WASF3: variants seen among roughly 807,000 people sequenced by gnomAD.
WASF3 encodes the protein actin-binding protein WASF3.
In WASF3, 11 loss-of-function variants were observed where a neutral mutation model predicts 46.6. The observed-to-expected ratio is 0.24, with a 90% confidence interval of 0.15 to 0.39. The LOEUF (loss-of-function observed/expected upper bound fraction) is 0.39, where lower values mean the gene tolerates loss of function less well. Ranked by LOEUF, WASF3 falls within the 10% of genes least tolerant of loss-of-function variation. The pLI is 1.00. For synonymous variants in WASF3, 242 were observed against 259.7 expected (o/e 0.93, Z 0.65); for missense variants, 576 against 669.8 (o/e 0.86, Z 1.55).
chr13:26,595,144 T>C (rs1056838977), intron 1 of WASF3, among the ~76,000 whole-genome samples: 1 of 152,242 alleles, frequency 6.6e-6, no homozygotes, highest in Non-Finnish European at 1.5e-5. Flanking sequence ...ATTTAACAAA[T>C]GTTAGTTGAA....
chr13:26,640,987 G>T, intron 2 of WASF3: 1 of 152,348 alleles, frequency 6.6e-6, no homozygotes, highest in Non-Finnish European at 1.5e-5. Flanking sequence ...TAAAAGCCAG[G>T]CTGCCTGTGT....
the WASF3 span, among the ~76,000 whole-genome samples, chr13:26,542,767 C>T: frequency 9.2e-5 from 14 of 152,358 alleles, no homozygotes; most frequent in African/African-American, 3.4e-4. Flanking sequence ...CACTCTGCGT[C>T]ACCTCCTGTC....
At chr13:26,577,810 G>T (rs889884681) in intron 1 of WASF3, 8 of 608,352 alleles carry the variant, frequency 1.3e-5, no homozygotes, top group East Asian at 2.7e-5. Context: ...GCACTCAGTT[G>T]TGTGTTCTGT....
At chr13:26,557,171 T>C (rs559231049), upstream of WASF3, among the ~76,000 whole-genome samples, 10 of 152,124 alleles carry the variant, frequency 6.6e-5, no homozygotes, top group Non-Finnish European at 1.3e-4. Context: ...TTGAAGGAGA[T>C]GGGAAGATTT....
intron 3 of WASF3, among the ~76,000 whole-genome samples, chr13:26,646,837 T>G (rs1204389808): frequency 6.6e-6 from 1 of 152,198 alleles, no homozygotes; most frequent in Non-Finnish European, 1.5e-5. Flanking sequence ...TTCTTTGGTC[T>G]TTTCTAAATA....
intron 3 of WASF3, among the ~76,000 whole-genome samples, chr13:26,657,815 T>C (rs561973778): frequency 1.3e-5 from 2 of 152,392 alleles, no homozygotes; most frequent in African/African-American, 2.4e-5. Flanking sequence ...ATTGTAATTA[T>C]AACACTATTC....
intron 3 of WASF3, among the ~76,000 whole-genome samples, chr13:26,644,518 G>A (rs1167176606): frequency 3.3e-5 from 5 of 152,130 alleles, no homozygotes; most frequent in Non-Finnish European, 5.9e-5. Flanking sequence ...GAGTCACTTG[G>A]TGAGCTTTAA....
intron 2 of WASF3, among the ~76,000 whole-genome samples, chr13:26,636,055 A>C (rs1163689841): frequency 6.6e-6 from 1 of 152,246 alleles, no homozygotes; most frequent in Non-Finnish European, 1.5e-5. Context: ...GCTGTTAGAC[A>C]GGGACTTTTA....
intron 2 of WASF3, among the ~76,000 whole-genome samples, chr13:26,631,268 T>C (rs143890875): frequency 0.011 from 1,674 of 152,340 alleles, 22 homozygotes; most frequent in Non-Finnish European, 0.015. Flanking sequence ...CTGAATGGTA[T>C]TGCCTAGGTT....
chr13:26,598,840 A>G (rs1197739012), intron 1 of WASF3, among the ~76,000 whole-genome samples: 2 of 152,178 alleles, frequency 1.3e-5, no homozygotes, highest in Admixed American at 1.3e-4. Context: ...CTCAGAAGGT[A>G]TCTCTTTGCC....
intron 1 of WASF3, among the ~76,000 whole-genome samples, chr13:26,573,112 G>C (rs995175241): frequency 6.6e-6 from 1 of 152,064 alleles, no homozygotes; most frequent in Admixed American, 6.5e-5. Context: ...TGGGTTTTTT[G>C]GGGGAGGGTA....
At chr13:26,645,924 G>A (rs991351304) in intron 3 of WASF3, among the ~76,000 whole-genome samples, 1 of 152,086 alleles carries the variant, frequency 6.6e-6, no homozygotes, top group Non-Finnish European at 1.5e-5. Context: ...CTGAAAACCA[G>A]CCTTTTGAAA....
chr13:26,623,355 C>G (rs2137245380), intron 2 of WASF3, among the ~76,000 whole-genome samples: 1 of 152,276 alleles, frequency 6.6e-6, no homozygotes, highest in South Asian at 2.1e-4. Context: ...TCCCCACAGC[C>G]TTCTCTCCTA....
At chr13:26,671,616 G>C (rs1882926453) in intron 5 of WASF3, among the ~76,000 whole-genome samples, 2 of 151,086 alleles carry the variant, frequency 1.3e-5, no homozygotes, top group Non-Finnish European at 3.0e-5. Flanking sequence ...TTTTTTTTCT[G>C]AGCAATTTTC....
In WASF3 at chr13:26,682,853, C is replaced by G. The variant is rs765801765; in HGVS notation, c.1230C>G (p.Pro410=). The G allele has an allele frequency of 1.9e-6, 3 of 1,611,702 alleles. No individual in the cohort carries two copies. Among genetic ancestry groups the G allele is most frequent in the Non-Finnish European group, 2.5e-6 (3 of 1,179,976 alleles). Residue 410 remains proline, a synonymous_variant, in exon 9 of 10, where the codon CCC becomes CCG. Coordinates refer to ENST00000335327, the MANE Select transcript of WASF3 (RefSeq NM_006646.6). The surrounding 1 kb of genome is among the most constrained non-coding windows in gnomAD (Gnocchi z 4.4). ...CTCCCCCGCCAGGCCCTCCTGGTCC[C>G]GGGTCTTCTCTTTCGTCCTCCCCAA... ...PPPPPPGPPG[P]GSSLSSSPMH...
At chr13:26,572,832 C>T (rs575986691) in intron 1 of WASF3, among the ~76,000 whole-genome samples, 4 of 152,184 alleles carry the variant, frequency 2.6e-5, no homozygotes, top group Admixed American at 6.5e-5. Flanking sequence ...GGATTACAGG[C>T]GGGAGCCACC....
At chr13:26,637,961 A>T (rs1001357580) in intron 2 of WASF3, 1 of 152,434 alleles carries the variant, frequency 6.6e-6, no homozygotes, top group Non-Finnish European at 1.5e-5. Context: ...GATATCACCT[A>T]TGTGAAAGAA....
chr13:26,616,314 C>T (rs1468504108), intron 2 of WASF3, among the ~76,000 whole-genome samples: 1 of 152,176 alleles, frequency 6.6e-6, no homozygotes, highest in African/African-American at 2.4e-5. Flanking sequence ...CATCAGTGTG[C>T]AGTCATATCT....
At chr13:26,610,167 C>T (rs975032164) in intron 1 of WASF3, among the ~76,000 whole-genome samples, 1 of 152,132 alleles carries the variant, frequency 6.6e-6, no homozygotes, top group Non-Finnish European at 1.5e-5. Flanking sequence ...CTTAATCTTC[C>T]GAGACCTACG....
Sources: allele counts gnomAD v4.1 joint callset (sites outside exome capture counted in the v4.1 genomes callset), GRCh38; gene constraint gnomAD v4.1.1; non-coding constraint Gnocchi (gnomAD v3.1); transcripts MANE v1.5; gene names NCBI Gene and HGNC (gene_info 2026-07-23, HGNC 2026-07-21).